Variants in ATP10A observed in about 807,000 individuals in gnomAD.
ATP10A encodes ATPase phospholipid transporting 10A (putative), also known as phospholipid-transporting ATPase VA.
Under a neutral mutation model 147.8 loss-of-function variants are expected in ATP10A, and 111 were observed. That is an observed-to-expected ratio of 0.75 (90% CI 0.64 to 0.88). The LOEUF is 0.88. Among genes scored for constraint, ATP10A ranks in the 40% least tolerant of loss-of-function variants. ATP10A has a pLI of 0.00. For synonymous variants in ATP10A, 875 were observed against 841.6 expected (o/e 1.04, Z -0.69); for missense variants, 1,927 against 1,959.0 (o/e 0.98, Z 0.31).
At chr15:25,724,311 C>T (rs1348198081) in intron 5 of ATP10A, among the ~76,000 whole-genome samples, 1 of 152,196 alleles carries the variant, frequency 6.6e-6, no homozygotes, top group Non-Finnish European at 1.5e-5. Flanking sequence ...TGGCAGCTGA[C>T]AGTGTGAGGC....
chr15:25,784,243 G>T (rs535655683), intron 1 of ATP10A, among the ~76,000 whole-genome samples: 19 of 152,316 alleles, frequency 1.2e-4, no homozygotes, highest in African/African-American at 4.6e-4. Flanking sequence ...CTATGCCCAA[G>T]CATCGGCGGG....
intron 15 of ATP10A, among the ~76,000 whole-genome samples, chr15:25,690,028 C>T (rs1167388062): frequency 6.6e-6 from 1 of 152,210 alleles, no homozygotes; most frequent in Non-Finnish European, 1.5e-5. Flanking sequence ...ATAGTTGACC[C>T]TTGAACAACA....
At chr15:25,783,301 C>A (rs542762000) in intron 1 of ATP10A, among the ~76,000 whole-genome samples, 4 of 152,208 alleles carry the variant, frequency 2.6e-5, no homozygotes, top group Non-Finnish European at 4.4e-5. Context: ...TAAAACTCTA[C>A]TCTCACCCGA....
chr15:25,694,955 C>A lies in ATP10A; in HGVS notation c.2952G>T (p.Glu984Asp). 6.2e-7 allele frequency: 1 copy of A among 1,614,210 alleles called. No homozygotes were observed. The highest frequency in any genetic ancestry group is 8.5e-7 in the Non-Finnish European group (1 of 1,180,048). Residue 984 changes from glutamate to aspartate, a missense_variant, in exon 14 of 21, where the codon GAG becomes GAT. Coordinates refer to ENST00000555815, the MANE Select transcript of ATP10A (RefSeq NM_024490.4). ...AGAGGAATTTGTCCTCCAGGTTTTTCTCGAGAGCGTAGGCCAGGCTTCTCC... is the reference window on the plus strand; with the variant it reads ...AGAGGAATTTGTCCTCCAGGTTTTTATCGAGAGCGTAGGCCAGGCTTCTCC... ...IDGRSLAYAL[E>D]KNLEDKFLFL...
At chr15:25,811,714 G>A (rs757136335) in intron 1 of ATP10A, among the ~76,000 whole-genome samples, 10 of 152,206 alleles carry the variant, frequency 6.6e-5, no homozygotes, top group Non-Finnish European at 1.0e-4. Flanking sequence ...CACCACAGGC[G>A]TCAAGAGTCC....
intron 10 of ATP10A, chr15:25,708,544 C>T (rs1374907417): frequency 9.0e-6 from 4 of 445,362 alleles, no homozygotes; most frequent in Non-Finnish European, 1.6e-5. Flanking sequence ...TGGTCACGAA[C>T]TCCTGGACTC....
At chr15:25,801,516 T>C (rs1438483958) in intron 1 of ATP10A, among the ~76,000 whole-genome samples, 2 of 152,164 alleles carry the variant, frequency 1.3e-5, no homozygotes, top group African/African-American at 4.8e-5. Context: ...GCACTGAGAA[T>C]GAGGGCGGAC....
chr15:25,829,854 AG>A (rs1037479222), intron 1 of ATP10A, among the ~76,000 whole-genome samples: 4 of 152,186 alleles, frequency 2.6e-5, no homozygotes, highest in South Asian at 2.1e-4. Context: ...CTGTGGGTCA[AG>A]CAAAGACTTT....
chr15:25,687,363 A>G (rs1048605755), intron 16 of ATP10A, among the ~76,000 whole-genome samples: 17 of 152,050 alleles, frequency 1.1e-4, no homozygotes, highest in African/African-American at 3.1e-4. Flanking sequence ...GGGTGAACGC[A>G]GCCTTGAAGG....
At chr15:25,811,268 C>T (rs572580095) in intron 1 of ATP10A, among the ~76,000 whole-genome samples, 7 of 152,184 alleles carry the variant, frequency 4.6e-5, no homozygotes, top group East Asian at 1.9e-4. Context: ...AGGCTCTCTG[C>T]GGATAAGGGA....
At chr15:25,843,229 C>T (rs1196303943) in intron 1 of ATP10A, among the ~76,000 whole-genome samples, 12 of 146,828 alleles carry the variant, frequency 8.2e-5, no homozygotes, top group Non-Finnish European at 1.8e-4. Context: ...ACCCCCCACC[C>T]CCCACCCCCA....
chr15:25,795,631 G>A (rs1044350461), intron 1 of ATP10A, among the ~76,000 whole-genome samples: 3 of 152,160 alleles, frequency 2.0e-5, no homozygotes, highest in African/African-American at 4.8e-5. Flanking sequence ...ACAGGTACTA[G>A]CACTAAGACA....
chr15:25,861,610 A>G (rs1893763670), intron 1 of ATP10A, among the ~76,000 whole-genome samples: 1 of 152,160 alleles, frequency 6.6e-6, no homozygotes, highest in Non-Finnish European at 1.5e-5. Flanking sequence ...TAGGGGAACA[A>G]TCTGCCACTA....
chr15:25,774,041 T>G (rs1202233767), intron 2 of ATP10A, among the ~76,000 whole-genome samples: 1 of 143,292 alleles, frequency 7.0e-6, no homozygotes, highest in African/African-American at 2.5e-5. Flanking sequence ...AAATTCCCGT[T>G]TTTTTTTTTA....
At chr15:25,856,165 G>A (rs1893507366) in intron 1 of ATP10A, among the ~76,000 whole-genome samples, 1 of 152,130 alleles carries the variant, frequency 6.6e-6, no homozygotes, top group African/African-American at 2.4e-5. Flanking sequence ...ATCTCACCTT[G>A]AATTGTAATA....
At chr15:25,833,501 T>C (rs1892455437) in intron 1 of ATP10A, among the ~76,000 whole-genome samples, 1 of 152,086 alleles carries the variant, frequency 6.6e-6, no homozygotes, top group African/African-American at 2.4e-5. Context: ...AGTTTGACAG[T>C]AGAGTACCCC....
In ATP10A at chr15:25,713,889, T is replaced by G. The variant is rs1901596264; in HGVS notation, c.2129A>C (p.Tyr710Ser). 6.2e-7 allele frequency: 1 copy of G among 1,613,576 alleles called. No individual in the cohort carries two copies. Among genetic ancestry groups the G allele is most frequent in the African/African-American group, 1.3e-5 (1 of 74,954 alleles). Residue 710 changes from tyrosine to serine, a missense_variant, in exon 10 of 21, where the codon TAC (tyrosine) becomes TCC (serine). Tyr to Ser is a moderately radical substitution (Grantham distance 144). Transcript: ENST00000555815. ...EAALVYAARAYNCVLVERLHD... is the reference protein window; with the variant it reads ...EAALVYAARASNCVLVERLHD... ...CAGCCGCTCCACAAGCACGCAGTTGTAGGCTCTGGCCGCATACACCAGTGC... is the reference window on the plus strand; with the variant it reads ...CAGCCGCTCCACAAGCACGCAGTTGGAGGCTCTGGCCGCATACACCAGTGC...
chr15:25,845,322 T>TTGTGTGTGTGTG (rs746244130), intron 1 of ATP10A, among the ~76,000 whole-genome samples: 22 of 141,604 alleles, frequency 1.6e-4, no homozygotes, highest in African/African-American at 5.3e-4. Flanking sequence ...GTTTGTGTGT[T>TTGTGTGTGTGTG]TGTGTGTGTG....
intron 1 of ATP10A, among the ~76,000 whole-genome samples, chr15:25,785,463 A>T (rs1445043066): frequency 1.3e-5 from 2 of 152,136 alleles, no homozygotes; most frequent in Non-Finnish European, 2.9e-5. Context: ...AAGTCACCCC[A>T]TCTGTGGTCC....
Sources: gnomAD v4.1 joint callset for allele counts (sites outside exome capture counted in the v4.1 genomes callset) on GRCh38, gnomAD v4.1.1 for gene constraint, MANE v1.5 for transcripts, NCBI Gene and HGNC (gene_info 2026-07-23, HGNC 2026-07-21) for gene names.